FHIT: variants seen among roughly 807,000 people sequenced by gnomAD.
FHIT encodes bis(5'-adenosyl)-triphosphatase.
Under a neutral mutation model 17.9 loss-of-function variants are expected in FHIT, and 19 were observed. The observed-to-expected ratio is 1.06, with a 90% CI of 0.74 to 1.56. FHIT has a LOEUF of 1.56. FHIT is among the 40% of genes most tolerant of loss of function. FHIT has a pLI of 0.00. For synonymous variants in FHIT, 81 were observed against 69.7 expected (o/e 1.16, Z -0.81); for missense variants, 248 against 189.2 (o/e 1.31, Z -1.82).
intron 5 of FHIT, among the ~76,000 whole-genome samples, chr3:60,267,932 T>C (rs1020146444): frequency 6.6e-6 from 1 of 152,196 alleles, no homozygotes; most frequent in Non-Finnish European, 1.5e-5. Context: ...TTAAAAGTGC[T>C]AAACTATAAA....
chr3:60,844,650 T>TA (rs1404065041), intron 3 of FHIT, among the ~76,000 whole-genome samples: 1 of 152,174 alleles, frequency 6.6e-6, no homozygotes, highest in Non-Finnish European at 1.5e-5. Context: ...TTTCTTCTCA[T>TA]AAAAATCACA....
chr3:60,744,271 A>AAAAAAAAAAAAAAAAAAAAAAAAAAC (rs2042309303), intron 4 of FHIT, among the ~76,000 whole-genome samples: 2 of 52,112 alleles, frequency 3.8e-5, no homozygotes, highest in African/African-American at 2.3e-4. Context: ...AACAAAACAA[A>AAAAAAAAAAAAAAAAAAAAAAAAAAC]AAAAAAAAAA....
At chr3:60,071,807 C>T (rs1702784853) in intron 5 of FHIT, among the ~76,000 whole-genome samples, 1 of 152,160 alleles carries the variant, frequency 6.6e-6, no homozygotes, top group Admixed American at 6.5e-5. Context: ...AGGTAATTGA[C>T]CCATGGGGGC....
intron 2 of FHIT, among the ~76,000 whole-genome samples, chr3:61,070,511 G>T (rs2106737106): frequency 1.3e-5 from 2 of 152,270 alleles, no homozygotes; most frequent in South Asian, 4.1e-4. Context: ...GCAGATCTTG[G>T]CTGCTTCTAA....
At chr3:59,967,193 T>A (rs1393940796) in intron 7 of FHIT, among the ~76,000 whole-genome samples, 1 of 152,130 alleles carries the variant, frequency 6.6e-6, no homozygotes, top group Non-Finnish European at 1.5e-5. Flanking sequence ...ATGATAACAA[T>A]GCATTCTTCT....
At chr3:60,851,840 T>G (rs1379276781) in intron 3 of FHIT, among the ~76,000 whole-genome samples, 2 of 152,140 alleles carry the variant, frequency 1.3e-5, no homozygotes, top group African/African-American at 2.4e-5. Flanking sequence ...TTCTATGGTA[T>G]AGTTAAACTT....
At chr3:61,043,672 C>A (rs771642168) in intron 2 of FHIT, among the ~76,000 whole-genome samples, 2 of 152,214 alleles carry the variant, frequency 1.3e-5, no homozygotes, top group African/African-American at 4.8e-5. Context: ...AATGGACAGA[C>A]TGCCTCTTCA....
At chr3:59,793,959 C>T (rs548404230) in intron 8 of FHIT, among the ~76,000 whole-genome samples, 2 of 152,260 alleles carry the variant, frequency 1.3e-5, no homozygotes, top group African/African-American at 4.8e-5. Context: ...GTATTTCACA[C>T]AGGAACACTT....
intron 3 of FHIT, among the ~76,000 whole-genome samples, chr3:60,937,501 A>G (rs1708238155): frequency 6.6e-6 from 1 of 151,912 alleles, no homozygotes; most frequent in Non-Finnish European, 1.5e-5. Flanking sequence ...GTGAGCTCAC[A>G]GAATGTCTGC....
intron 6 of FHIT, among the ~76,000 whole-genome samples, chr3:60,013,764 C>G (rs183276721): frequency 2.0e-5 from 3 of 152,290 alleles, no homozygotes; most frequent in Admixed American, 6.5e-5. Flanking sequence ...CATTAAATCA[C>G]TTATCCATTA....
intron 8 of FHIT, among the ~76,000 whole-genome samples, chr3:59,762,134 A>G (rs142043762): frequency 6.6e-6 from 1 of 152,272 alleles, no homozygotes; most frequent in Non-Finnish European, 1.5e-5. Flanking sequence ...GGTAGTGTAG[A>G]CAACATGGCT....
In FHIT at chr3:60,337,400, A is replaced by G. The variant is rs965847496; in HGVS notation, c.103+199460T>C. 2.0e-4 allele frequency among the ~76,000 whole-genome samples: 30 copies of G among 152,144 alleles called. 1 individual carries two copies. ...AAGCATGTGTTCTGACTGTCTCCTC[A>G]TCTCTAAAATTTAAATGAAGTAATG... On this transcript the variant is annotated intron_variant, in intron 5 of 9. Coordinates refer to ENST00000492590, the MANE Select transcript of FHIT (RefSeq NM_002012.4).
chr3:60,362,846 A>G (rs996713885), intron 5 of FHIT, among the ~76,000 whole-genome samples: 18 of 152,212 alleles, frequency 1.2e-4, no homozygotes, highest in African/African-American at 4.1e-4. Context: ...AACGGCAGAC[A>G]AATCCCAAAC....
intron 3 of FHIT, among the ~76,000 whole-genome samples, chr3:60,955,597 C>CATATATATATATATATATATATATAT (rs201555469): frequency 1.3e-5 from 1 of 77,652 alleles, no homozygotes; most frequent in African/African-American, 6.0e-5. Flanking sequence ...CATATATATA[C>CATATATATATATATATATATATATAT]ATATATATAT....
intron 4 of FHIT, among the ~76,000 whole-genome samples, chr3:60,800,993 T>C (rs1179025261): frequency 6.6e-6 from 1 of 152,160 alleles, no homozygotes; most frequent in Admixed American, 6.5e-5. Flanking sequence ...GACCCACTAA[T>C]GGTGGTCTTG....
intron 2 of FHIT, among the ~76,000 whole-genome samples, chr3:61,105,771 G>A (rs1026651763): frequency 6.6e-6 from 1 of 152,066 alleles, no homozygotes; most frequent in African/African-American, 2.4e-5. Flanking sequence ...AACATAATTT[G>A]GGAAAAGTTA....
chr3:60,659,487 C>A (rs1039871881), intron 4 of FHIT, among the ~76,000 whole-genome samples: 13 of 152,158 alleles, frequency 8.5e-5, no homozygotes, highest in Non-Finnish European at 1.8e-4. Flanking sequence ...TCCTAAGACT[C>A]ATAATTTCCT....
intron 4 of FHIT, among the ~76,000 whole-genome samples, chr3:60,646,917 C>A (rs1241869019): frequency 6.6e-6 from 1 of 152,118 alleles, no homozygotes; most frequent in Non-Finnish European, 1.5e-5. Context: ...GCATATAGAG[C>A]GAAACTGCAA....
At chr3:61,125,254 C>T (rs1460560563) in intron 2 of FHIT, among the ~76,000 whole-genome samples, 1 of 152,062 alleles carries the variant, frequency 6.6e-6, no homozygotes, top group Non-Finnish European at 1.5e-5. Context: ...AGTACATGAA[C>T]AAGTTTGTGT....
Sources: allele counts gnomAD v4.1 joint callset (sites outside exome capture counted in the v4.1 genomes callset), GRCh38; gene constraint gnomAD v4.1.1; transcripts MANE v1.5; gene names NCBI Gene and HGNC (gene_info 2026-07-23, HGNC 2026-07-21).